Variants in PREX2 observed in about 807,000 individuals in gnomAD.
The protein encoded by PREX2 is phosphatidylinositol 3,4,5-trisphosphate-dependent Rac exchanger 2 protein.
A neutral mutation model predicts 203.2 loss-of-function variants in PREX2; 107 were observed. That is an observed-to-expected ratio of 0.53 (90% confidence interval 0.45 to 0.62). The LOEUF is 0.62. Ranked by LOEUF, PREX2 falls within the 20% of genes least tolerant of loss-of-function variation. PREX2 has a pLI of 0.00. For missense variants in PREX2, 1,777 were observed against 1,955.9 expected, an observed-to-expected ratio of 0.91 and a Z score of 1.72; for synonymous variants, 672 against 663.6, an observed-to-expected ratio of 1.01 and a Z score of -0.19.
chr8:68,012,572 A>T (rs1197455514), intron 1 of PREX2, among the ~76,000 whole-genome samples: 1 of 152,212 alleles, frequency 6.6e-6, no homozygotes, highest in African/African-American at 2.4e-5. Flanking sequence ...CAGGTGTGGG[A>T]TATTTTAATG....
chr8:68,080,233 G>A (rs1369008438), intron 15 of PREX2, among the ~76,000 whole-genome samples: 1 of 151,828 alleles, frequency 6.6e-6, no homozygotes, highest in African/African-American at 2.4e-5. Context: ...TCAAAATCCT[G>A]TGGGTAAAAG....
chr8:68,106,745 T>G (rs540092476), intron 23 of PREX2, among the ~76,000 whole-genome samples: 93 of 152,242 alleles, frequency 6.1e-4, no homozygotes, highest in African/African-American at 2.1e-3. Context: ...TAGTCTTAAT[T>G]TTTATTCTTA....
chr8:68,038,874 C>G (rs58665412), intron 7 of PREX2, among the ~76,000 whole-genome samples: 2,499 of 152,192 alleles, frequency 0.016, 57 homozygotes, highest in African/African-American at 0.056. Context: ...ACCTGAAAGC[C>G]CACTTTCTCT....
intron 35 of PREX2, among the ~76,000 whole-genome samples, chr8:68,173,427 T>C (rs927263861): frequency 3.3e-5 from 5 of 152,130 alleles, no homozygotes; most frequent in Non-Finnish European, 5.9e-5. Flanking sequence ...ATTTGAAAAA[T>C]AGTATAATTC....
In PREX2 at chr8:68,040,564, T is replaced by C. The variant is rs559756688; in HGVS notation, c.839+2272T>C. On this transcript the variant is annotated intron_variant, in intron 7 of 39. Transcript: ENST00000288368. The stretch of plus-strand genomic sequence containing the variant: ...GTCCTTTGAGATTTCCATGGCCAGA[T>C]TCTCTGTGGCTTTCAGATCTCACTT... Among the ~76,000 whole-genome samples, 4 of 152,268 alleles carry C rather than the reference T, an allele frequency of 2.6e-5. No homozygotes were observed. In the East Asian group the frequency reaches 7.7e-4, roughly 29 times the overall value.
Position 68,069,873 on chromosome 8 carries a change from T to C in PREX2, c.1482T>C (p.Thr494=), listed in dbSNP as rs1809144816. 6.5e-7 allele frequency: 1 copy of C among 1,549,024 alleles called. No homozygotes were observed. Among genetic ancestry groups the C allele is most frequent in the Non-Finnish European group, 8.8e-7 (1 of 1,130,410 alleles). The change falls in exon 13 of 40, where the codon ACT becomes ACC. Residue 494 remains threonine (T), a synonymous_variant. Transcript: ENST00000288368. The part of the protein sequence containing the change: ...RLYCRLHSLF[T]PVIRDKDYHL... ...ATTGTCGTCTTCATAGCCTTTTTAC[T>C]CCAGTGATAAGGTGAGTCTGGTTTT...
At chr8:68,023,565 TTGTC>T (rs1235140980) in intron 4 of PREX2, among the ~76,000 whole-genome samples, 20 of 152,252 alleles carry the variant, frequency 1.3e-4, no homozygotes, top group African/African-American at 3.8e-4. Flanking sequence ...TCAGTGTTGT[TTGTC>T]TGTTCATTTT....
At chr8:67,963,534 A>G (rs1805689514) in intron 1 of PREX2, among the ~76,000 whole-genome samples, 1 of 152,100 alleles carries the variant, frequency 6.6e-6, no homozygotes, top group Non-Finnish European at 1.5e-5. Context: ...GTCTTTGTCT[A>G]ATATTTTTAG....
intron 37 of PREX2, among the ~76,000 whole-genome samples, chr8:68,195,786 A>T (rs1312260197): frequency 2.0e-5 from 3 of 152,234 alleles, no homozygotes; most frequent in Admixed American, 6.5e-5. Flanking sequence ...ACAATGTGGT[A>T]TCTACATTAG....
intron 1 of PREX2, among the ~76,000 whole-genome samples, chr8:67,954,568 G>A (rs6986267): frequency 0.034 from 5,128 of 152,124 alleles, 238 homozygotes; most frequent in African/African-American, 0.1. Context: ...CTATCCTAAG[G>A]GAATGATCAG....
chr8:68,195,781 G>A (rs988814932), intron 37 of PREX2, among the ~76,000 whole-genome samples: 4 of 152,276 alleles, frequency 2.6e-5, no homozygotes, highest in Admixed American at 6.5e-5. Flanking sequence ...AGTCAACAAT[G>A]TGGTATCTAC....
chr8:68,077,491 A>C, intron 15 of PREX2, 22 bp downstream of exon 15: 2 of 1,540,734 alleles, frequency 1.3e-6, no homozygotes, highest in Non-Finnish European at 1.8e-6. Flanking sequence ...TTACCCTGGG[A>C]GCTTACAGAT....
intron 8 of PREX2, among the ~76,000 whole-genome samples, chr8:68,046,035 G>A (rs1456785559): frequency 6.6e-6 from 1 of 152,020 alleles, no homozygotes; most frequent in Non-Finnish European, 1.5e-5. Flanking sequence ...AGTAAAAGAA[G>A]AACACTAAAA....
chr8:67,962,647 C>G (rs754007827), intron 1 of PREX2, among the ~76,000 whole-genome samples: 1 of 150,852 alleles, frequency 6.6e-6, no homozygotes, highest in Non-Finnish European at 1.5e-5. Context: ...TGCTCTGTTG[C>G]CCAGGCTAGA....
intron 35 of PREX2, among the ~76,000 whole-genome samples, chr8:68,166,745 A>C (rs544468510): frequency 1.3e-5 from 2 of 152,238 alleles, no homozygotes; most frequent in East Asian, 3.9e-4. Flanking sequence ...AGGTAGAAGG[A>C]TCACTTCAGC....
chr8:68,023,149 C>T (rs1807618797), intron 4 of PREX2, among the ~76,000 whole-genome samples: 1 of 152,092 alleles, frequency 6.6e-6, no homozygotes, highest in Admixed American at 6.6e-5. Context: ...AGACATTAAA[C>T]GTGGAATTGA....
chr8:68,096,439 C>T (rs1235142117), intron 21 of PREX2, among the ~76,000 whole-genome samples: 1 of 151,976 alleles, frequency 6.6e-6, no homozygotes, highest in African/African-American at 2.4e-5. Context: ...GCTGACGTAC[C>T]ATATGTAGGC....
At chr8:68,227,900 T>C (rs1034119619) in intron 39 of PREX2, among the ~76,000 whole-genome samples, 2 of 152,210 alleles carry the variant, frequency 1.3e-5, no homozygotes, top group Non-Finnish European at 2.9e-5. Flanking sequence ...CCAGTGCATT[T>C]TGCATTCTCC....
intron 30 of PREX2, 54 bp from the exon 31 acceptor site, chr8:68,127,324 G>A (rs1810912549): frequency 7.5e-7 from 1 of 1,341,286 alleles, no homozygotes; most frequent in Admixed American, 1.8e-5. Context: ...TTAAAATATG[G>A]TATTTGTGAC....
Sources: gnomAD v4.1 joint callset for allele counts (sites outside exome capture counted in the v4.1 genomes callset) on GRCh38, gnomAD v4.1.1 for gene constraint, MANE v1.5 for transcripts, NCBI Gene and HGNC (gene_info 2026-07-23, HGNC 2026-07-21) for gene names.